GPM6A: variants seen among roughly 807,000 people sequenced by gnomAD.
GPM6A encodes glycoprotein M6A.
In GPM6A, 7 loss-of-function variants were observed where a neutral mutation model predicts 32.1. The observed-to-expected ratio is 0.22, with a 90% CI of 0.12 to 0.41. The LOEUF (loss-of-function observed/expected upper bound fraction) is 0.41, where lower values mean the gene tolerates loss of function less well. Ranked by LOEUF, GPM6A falls within the 10% of genes least tolerant of loss-of-function variation. The pLI, the probability that GPM6A is intolerant of heterozygous loss-of-function variation, is 1.00. For missense variants in GPM6A, 235 were observed against 347.2 expected, an observed-to-expected ratio of 0.68 and a Z score of 2.57; for synonymous variants, 130 against 123.4, an observed-to-expected ratio of 1.05 and a Z score of -0.35.
rs1228580404 is a variant in GPM6A at position 175,770,831 on chromosome 4, C to T, written c.37+41360G>A. ...TACCTGTGTGGACTGTTTTTACTAT[C>T]TCTACACAGGCTTCCCAGAAGAGAT... On this transcript the variant is annotated intron_variant, in intron 1 of 6. Coordinates refer to ENST00000393658, the MANE Select transcript of GPM6A (RefSeq NM_201591.3). Among the ~76,000 whole-genome samples the T allele has an allele frequency of 1.2e-4, 19 of 152,016 alleles. 1 individual carries two copies. The highest frequency in any genetic ancestry group is 1.2e-3 in the Admixed American group (19 of 15,262).
At chr4:175,721,167 T>TATATATATATA (rs1247155865) in intron 1 of GPM6A, among the ~76,000 whole-genome samples, 73 of 81,286 alleles carry the variant, frequency 9.0e-4, no homozygotes, top group Non-Finnish European at 2.2e-3. Flanking sequence ...ATATATATAT[T>TATATATATATA]TTCTATTTTT....
At chr4:175,809,151 C>T (rs986656199) in intron 1 of GPM6A, among the ~76,000 whole-genome samples, 4 of 152,144 alleles carry the variant, frequency 2.6e-5, no homozygotes, top group Admixed American at 2.0e-4. Flanking sequence ...CGTATTTTCT[C>T]GTAAGATTTG....
intron 1 of GPM6A, among the ~76,000 whole-genome samples, chr4:175,838,378 T>C (rs757437998): frequency 1.5e-4 from 23 of 149,284 alleles, no homozygotes; most frequent in South Asian, 2.1e-4. Context: ...CAAACAGTTT[T>C]ACTGTCTGAA....
chr4:175,708,331 A>G (rs1372679038), intron 1 of GPM6A, among the ~76,000 whole-genome samples: 2 of 152,034 alleles, frequency 1.3e-5, no homozygotes, highest in Non-Finnish European at 2.9e-5. Flanking sequence ...AGGTAAAGGG[A>G]TCATCCAAGA....
rs1043335065 is a variant in GPM6A, at chr4:175,716,212, A to T, written c.38-14445T>A. ...CAACAACCAACTAAGACAGATCCAA[A>T]AGTGGTCATTAGCTTCAAACCCTCC... On this transcript the variant is annotated intron_variant, in intron 1 of 6. Transcript: ENST00000393658. Among the ~76,000 whole-genome samples, 9 of 152,200 alleles carry T rather than the reference A, an allele frequency of 5.9e-5. No individual in the cohort carries two copies. The East Asian group carries it at 1.7e-3, about 29-fold the overall frequency.
In GPM6A at chr4:175,750,611, C is replaced by T. The variant is rs113751937; in HGVS notation, c.38-48844G>A. On this transcript the variant is annotated intron_variant, in intron 1 of 6. Coordinates refer to ENST00000393658, the MANE Select transcript of GPM6A (RefSeq NM_201591.3). ...TTTTTTGACAGGGGTCTGGCTCTGT[C>T]GCCAAGGCTAGAGTGTGGTGGACCA... 4.2e-3 allele frequency among the ~76,000 whole-genome samples: 247 copies of T among 59,374 alleles called. 1 individual carries two copies. Among genetic ancestry groups the T allele is most frequent in the African/African-American group, 9.9e-3 (224 of 22,644 alleles). 39.0% of individuals were successfully genotyped at this position (59,374 alleles called of 152,430 possible). A position where few individuals can be genotyped will look rare whatever the true frequency, so the allele number is the denominator to read the frequency against.
chr4:175,686,010 A>G lies in GPM6A; in HGVS notation c.231-12174T>C, dbSNP rs141929640. On this transcript the variant is annotated intron_variant, in intron 2 of 6. Transcript: ENST00000393658. ...TGCTTTCTTTTTGTCTCGTCCACAT[A>G]TTCCAATGTTCCAAGATGCTGCTTA... is the stretch of plus-strand genomic sequence containing the variant. Among the ~76,000 whole-genome samples, 387 of 152,244 alleles carry G rather than the reference A, an allele frequency of 2.5e-3. 3 individuals are homozygous for G. Among genetic ancestry groups the G allele is most frequent in the African/African-American group, 9.0e-3 (372 of 41,530 alleles).
chr4:175,764,129 T>A (rs1024584379), intron 1 of GPM6A, among the ~76,000 whole-genome samples: 3 of 152,170 alleles, frequency 2.0e-5, no homozygotes, highest in Non-Finnish European at 2.9e-5. Context: ...GTTTTCATCA[T>A]CCCAAAAGAA....
chr4:175,932,350 A>G (rs951678953), intron 1 of GPM6A, among the ~76,000 whole-genome samples: 8 of 152,154 alleles, frequency 5.3e-5, no homozygotes, highest in East Asian at 3.9e-4. Context: ...CTGCCAGGCG[A>G]GGACTCAGCA....
chr4:175,959,661 G>C (rs977951957), intron 1 of GPM6A, among the ~76,000 whole-genome samples: 1 of 152,076 alleles, frequency 6.6e-6, no homozygotes, highest in Non-Finnish European at 1.5e-5. Context: ...GTCAATTATT[G>C]AAATTCACTG....
intron 1 of GPM6A, among the ~76,000 whole-genome samples, chr4:175,795,304 GCC>G (rs1734175195): frequency 2.0e-5 from 3 of 152,088 alleles, no homozygotes; most frequent in Non-Finnish European, 4.4e-5. Flanking sequence ...GAGGCAGGCA[GCC>G]TCTTCGAAGG....
intron 1 of GPM6A, among the ~76,000 whole-genome samples, chr4:175,935,058 A>G (rs1161994493): frequency 1.3e-5 from 2 of 152,258 alleles, no homozygotes; most frequent in African/African-American, 2.4e-5. Flanking sequence ...TTAATTCCCT[A>G]TGCATATCTT....
At chr4:175,895,803 G>T (rs1737778450) in intron 1 of GPM6A, among the ~76,000 whole-genome samples, 1 of 152,044 alleles carries the variant, frequency 6.6e-6, no homozygotes, top group African/African-American at 2.4e-5. Context: ...GTATAATAGT[G>T]CATTTTTTGT....
intron 1 of GPM6A, among the ~76,000 whole-genome samples, chr4:175,825,022 C>T (rs576210932): frequency 4.6e-5 from 7 of 152,268 alleles, no homozygotes; most frequent in African/African-American, 9.6e-5. Flanking sequence ...TAAGTCTTAA[C>T]GCTTGTAGCT....
rs1310172286 is a variant in GPM6A, at chr4:175,701,605, G to A, written c.200C>T (p.Thr67Ile). Residue 67 changes from threonine to isoleucine, a missense_variant, in exon 2 of 7, where the codon ACT becomes ATT. Physicochemically the swap from Thr to Ile is moderately conservative, Grantham distance 89. Transcript: ENST00000393658. ...ILQTYFEMARTAGDTLDVFTM... is the reference protein window; with the variant it reads ...ILQTYFEMARIAGDTLDVFTM... Reference sequence around the variant, plus strand: ...AAAAACATCCAGTGTGTCTCCAGCAGTTCTTGCCATCTCAAAGTAGGTTTG... The same window carrying A: ...AAAAACATCCAGTGTGTCTCCAGCAATTCTTGCCATCTCAAAGTAGGTTTG... 6.2e-7 allele frequency: 1 copy of A among 1,613,870 alleles called. No homozygotes were observed.
At chr4:175,940,045 T>G (rs1739357539) in intron 1 of GPM6A, among the ~76,000 whole-genome samples, 1 of 152,196 alleles carries the variant, frequency 6.6e-6, no homozygotes, top group Non-Finnish European at 1.5e-5. Context: ...GTAGTTCATT[T>G]ATTATTTTAT....
intron 1 of GPM6A, among the ~76,000 whole-genome samples, chr4:175,755,665 G>A (rs1443734008): frequency 6.6e-6 from 1 of 152,100 alleles, no homozygotes; most frequent in Admixed American, 6.6e-5. Flanking sequence ...AATTACGTTG[G>A]TAGTACTTAC....
At chr4:175,988,055 C>T (rs1741031958) in intron 1 of GPM6A, among the ~76,000 whole-genome samples, 1 of 152,066 alleles carries the variant, frequency 6.6e-6, no homozygotes, top group Non-Finnish European at 1.5e-5. Flanking sequence ...ACAAGATTAT[C>T]TTCCCAAATC....
intron 1 of GPM6A, among the ~76,000 whole-genome samples, chr4:175,701,972 C>A (rs1407464879): frequency 6.6e-6 from 1 of 152,130 alleles, no homozygotes; most frequent in East Asian, 1.9e-4. Context: ...GAATGTTTGC[C>A]ATGACTGATG....
Sources: allele counts gnomAD v4.1 joint callset (sites outside exome capture counted in the v4.1 genomes callset), GRCh38; gene constraint gnomAD v4.1.1; transcripts MANE v1.5; gene names NCBI Gene and HGNC (gene_info 2026-07-23, HGNC 2026-07-21).